The following ARHGAP24 variants were observed in gnomAD, a reference collection of about 807,000 sequenced individuals.
The protein encoded by ARHGAP24 is Rho GTPase activating protein 24.
ARHGAP24 carries 50 observed loss-of-function variants against 76.4 expected under a neutral mutation model. The ratio of observed to expected loss-of-function variants is 0.65; its 90% CI spans 0.52 to 0.83. The LOEUF is 0.83. ARHGAP24 is among the 40% of genes least tolerant of loss of function. The pLI, the probability that ARHGAP24 is intolerant of heterozygous loss-of-function variation, is 0.00. For synonymous variants in ARHGAP24, 345 were observed against 323.3 expected (o/e 1.07, Z -0.72); for missense variants, 930 against 914.2 (o/e 1.02, Z -0.22).
At chr4:85,605,292 A>AAT (rs1052937285) in intron 2 of ARHGAP24, among the ~76,000 whole-genome samples, 23 of 152,104 alleles carry the variant, frequency 1.5e-4, no homozygotes, top group African/African-American at 5.1e-4. Flanking sequence ...GCTTTAGGGA[A>AAT]ATATATATAT....
At chr4:85,894,897 G>A (rs1459522776) in intron 3 of ARHGAP24, among the ~76,000 whole-genome samples, 1 of 143,036 alleles carries the variant, frequency 7.0e-6, no homozygotes, top group African/African-American at 2.6e-5. Flanking sequence ...GGAGGCAGAG[G>A]TTGCAGTGAG....
At chr4:85,722,185 T>A (rs1560601580) in intron 3 of ARHGAP24, 2 of 497,986 alleles carry the variant, frequency 4.0e-6, no homozygotes. Context: ...ACTACTGGAT[T>A]TTCATTTGTC....
intron 2 of ARHGAP24, among the ~76,000 whole-genome samples, chr4:85,609,207 A>G (rs112834741): frequency 6.6e-6 from 1 of 152,210 alleles, no homozygotes; most frequent in African/African-American, 2.4e-5. Context: ...GCTAAATGTA[A>G]ACTGAACAAT....
chr4:85,677,105 G>A (rs530164939), intron 2 of ARHGAP24, among the ~76,000 whole-genome samples: 7 of 152,318 alleles, frequency 4.6e-5, no homozygotes, highest in East Asian at 1.9e-4. Flanking sequence ...CTTGAGCAAC[G>A]TGGATATCCT....
At chr4:85,707,966 A>G (rs1219618216) in intron 2 of ARHGAP24, among the ~76,000 whole-genome samples, 8 of 152,132 alleles carry the variant, frequency 5.3e-5, no homozygotes, top group Non-Finnish European at 1.2e-4. Flanking sequence ...TGTCATTGGT[A>G]GGTGGCATAA....
intron 3 of ARHGAP24, among the ~76,000 whole-genome samples, chr4:85,810,985 A>G (rs1272028743): frequency 6.6e-6 from 1 of 152,196 alleles, no homozygotes; most frequent in Non-Finnish European, 1.5e-5. Flanking sequence ...TAATGCCTAT[A>G]CAAACATTTC....
intron 3 of ARHGAP24, among the ~76,000 whole-genome samples, chr4:85,901,850 C>T (rs1171584557): frequency 6.6e-6 from 1 of 151,714 alleles, no homozygotes; most frequent in African/African-American, 2.4e-5. Context: ...GATACATGTG[C>T]TGAACATGCA....
intron 3 of ARHGAP24, among the ~76,000 whole-genome samples, chr4:85,861,346 G>A (rs983835362): frequency 3.3e-5 from 5 of 152,098 alleles, no homozygotes; most frequent in Admixed American, 2.6e-4. Flanking sequence ...TGTGTGAACT[G>A]CATAAGACAT....
intron 2 of ARHGAP24, among the ~76,000 whole-genome samples, chr4:85,592,628 G>C (rs1399818422): frequency 2.6e-5 from 4 of 151,882 alleles, no homozygotes; most frequent in Admixed American, 1.3e-4. Flanking sequence ...CCACTTCCCT[G>C]ACCCCACTAT....
chr4:85,871,831 A>G (rs1732542611), intron 3 of ARHGAP24, among the ~76,000 whole-genome samples: 1 of 152,136 alleles, frequency 6.6e-6, no homozygotes, highest in African/African-American at 2.4e-5. Context: ...CCTCCCGCCA[A>G]CAAAGAAATA....
chr4:85,637,957 T>G (rs1213298468), intron 2 of ARHGAP24, among the ~76,000 whole-genome samples: 2 of 152,092 alleles, frequency 1.3e-5, no homozygotes, highest in Non-Finnish European at 2.9e-5. Context: ...GAATCTACAT[T>G]CTCTTTGCCT....
intron 5 of ARHGAP24, among the ~76,000 whole-genome samples, chr4:85,950,314 G>T (rs960286177): frequency 7.0e-6 from 1 of 142,330 alleles, no homozygotes; most frequent in Non-Finnish European, 1.5e-5. Context: ...ACAATAAAGT[G>T]AGACTGTCTC....
chr4:85,565,533 C>T (rs944366949), intron 1 of ARHGAP24, among the ~76,000 whole-genome samples: 1 of 152,176 alleles, frequency 6.6e-6, no homozygotes, highest in Non-Finnish European at 1.5e-5. Flanking sequence ...CCCCACCAGA[C>T]GCCAAGGAAA....
chr4:85,880,452 A>T (rs1474225790), intron 3 of ARHGAP24, among the ~76,000 whole-genome samples: 1 of 152,048 alleles, frequency 6.6e-6, no homozygotes, highest in African/African-American at 2.4e-5. Context: ...TTCTGGTTGC[A>T]GTGTTCCACC....
chr4:85,511,006 G>A (rs961580785), intron 1 of ARHGAP24, among the ~76,000 whole-genome samples: 3 of 152,086 alleles, frequency 2.0e-5, no homozygotes, highest in Non-Finnish European at 2.9e-5. Context: ...AGTTCTTATA[G>A]TATGGTAATT....
At position 85,564,973 on chromosome 4, in the gene ARHGAP24, C is replaced by G. The variant is rs866627275; in HGVS notation, c.-20-5549C>G. ...ATATATATATATATATATATATACC[C>G]ACACCCACCATACACCCACACATAC... On this transcript the variant is annotated intron_variant, in intron 1 of 9. Transcript: ENST00000395184. Among the ~76,000 whole-genome samples, 4 of 120,744 alleles carry G rather than the reference C, an allele frequency of 3.3e-5. 1 individual carries two copies. Among genetic ancestry groups the G allele is most frequent in the African/African-American group, 1.2e-4 (4 of 33,312 alleles). 79.2% of individuals were successfully genotyped at this position (120,744 alleles called of 152,430 possible).
intron 1 of ARHGAP24, among the ~76,000 whole-genome samples, chr4:85,518,471 G>A (rs11940831): frequency 0.11 from 16,799 of 152,032 alleles, 2,987 homozygotes; most frequent in African/African-American, 0.37. Flanking sequence ...CATCACCAGA[G>A]CAGTATACAC....
chr4:85,572,874 C>CTTTTTTTTTTTTT (rs775780758), intron 2 of ARHGAP24, among the ~76,000 whole-genome samples: 5 of 124,296 alleles, frequency 4.0e-5, no homozygotes, highest in Admixed American at 8.1e-5. Context: ...TTTTTTCTTT[C>CTTTTTTTTTTTTT]TTTTTTTTTT....
chr4:85,778,104 A>G (rs1213320703), intron 3 of ARHGAP24, among the ~76,000 whole-genome samples: 1 of 152,202 alleles, frequency 6.6e-6, no homozygotes, highest in Non-Finnish European at 1.5e-5. Flanking sequence ...CACCTGTCAC[A>G]GCACCATGCC....
Sources: allele counts gnomAD v4.1 joint callset (sites outside exome capture counted in the v4.1 genomes callset), GRCh38; gene constraint gnomAD v4.1.1; transcripts MANE v1.5; gene names NCBI Gene and HGNC (gene_info 2026-07-23, HGNC 2026-07-21).